Variants in OSBPL3 observed in about 807,000 individuals in gnomAD.
OSBPL3 encodes the protein oxysterol binding protein like 3.
Under a neutral mutation model 120.1 loss-of-function variants are expected in OSBPL3, and 65 were observed. The ratio of observed to expected loss-of-function variants is 0.54; its 90% CI spans 0.44 to 0.67. The LOEUF (loss-of-function observed/expected upper bound fraction) is 0.67. Among genes scored for constraint, OSBPL3 ranks in the 30% least tolerant of loss-of-function variants. The pLI, the probability that OSBPL3 is intolerant of heterozygous loss-of-function variation, is 0.00. For synonymous variants in OSBPL3, 416 were observed against 402.6 expected (o/e 1.03, Z -0.40); for missense variants, 1,004 against 1,082.1 (o/e 0.93, Z 1.01).
At position 24,933,510 on chromosome 7, in the gene OSBPL3, C is replaced by T. The variant is rs936521246; in HGVS notation, c.-149-40889G>A. 6.6e-6 allele frequency among the ~76,000 whole-genome samples: 1 copy of T among 152,082 alleles called. No individual in the cohort carries two copies. Among genetic ancestry groups the T allele is most frequent in the Non-Finnish European group, 1.5e-5 (1 of 68,022 alleles). On this transcript the variant is annotated intron_variant, in intron 1 of 22. Coordinates refer to ENST00000313367, the MANE Select transcript of OSBPL3 (RefSeq NM_015550.4). The surrounding 1 kb of genome is among the most constrained non-coding windows in gnomAD (Gnocchi z 5.1). ...AAAATCCAGAAAAACATCGAGAAAACTTTATTAACAGTCTCAAGCTAGTCT... is the reference window on the plus strand; with the variant it reads ...AAAATCCAGAAAAACATCGAGAAAATTTTATTAACAGTCTCAAGCTAGTCT...
rs1449100477 is a variant in OSBPL3, at chr7:24,806,989, C to T, written c.2318-87G>A. The T allele has an allele frequency of 1.6e-6, 2 of 1,244,002 alleles. No individual in the cohort carries two copies. The highest frequency in any genetic ancestry group is 2.2e-6 in the Non-Finnish European group (2 of 902,874). 77.1% of individuals were successfully genotyped at this position (1,244,002 alleles called of 1,614,324 possible). ...CTTCACCTTTTTCGTCTCAGCCTAG[C>T]TACAATTTTTCTCTCTCAGCTCCCT... On this transcript the variant is annotated intron_variant, in intron 20 of 22. Coordinates refer to ENST00000313367, the MANE Select transcript of OSBPL3 (RefSeq NM_015550.4). This position sits in a 1 kb window ranked among gnomAD's most constrained non-coding sequence, Gnocchi z 5.2.
chr7:24,971,297 G>A lies in OSBPL3; in HGVS notation c.-150+8589C>T, dbSNP rs183446161. Among the ~76,000 whole-genome samples, 1,170 of 152,362 alleles carry A rather than the reference G, an allele frequency of 7.7e-3. 23 individuals carry two copies. Among genetic ancestry groups the A allele is most frequent in the African/African-American group, 0.026 (1,095 of 41,586 alleles). On this transcript the variant is annotated intron_variant, in intron 1 of 22. Coordinates refer to ENST00000313367, the MANE Select transcript of OSBPL3 (RefSeq NM_015550.4). ...CGCCCTCTCTAAGCCTGGATAACCA[G>A]GGTTCTTTGGGTGGAAGCAACAGAA...
At position 24,842,295 on chromosome 7, in the gene OSBPL3, C is replaced by T; in HGVS notation, c.1385G>A (p.Ser462Asn). 1.2e-6 allele frequency: 2 copies of T among 1,613,406 alleles called. No homozygotes were observed. The highest frequency in any genetic ancestry group is 2.2e-5 in the South Asian group (2 of 90,916). The change falls in exon 13 of 23, where the codon AGC becomes AAC. Residue 462 changes from serine (S) to asparagine (N), a missense_variant. Ser to Asn is a conservative substitution (Grantham distance 46). Coordinates refer to ENST00000313367, the MANE Select transcript of OSBPL3 (RefSeq NM_015550.4). ...FDAQEVLLSP[S>N]SSENEISDDD... ...TGCTCAAACCTCGTTTTCTGAAGAG[C>T]TTGGAGATAACAGAACTTCCTGAGC... is the stretch of plus-strand genomic sequence containing the variant.
rs775978875 is a variant in OSBPL3, at chr7:24,979,954, C to A, written c.-218G>T. 1.0e-6 allele frequency: 1 copy of A among 981,370 alleles called. No homozygotes were observed. Among genetic ancestry groups the A allele is most frequent in the Non-Finnish European group, 1.2e-6 (1 of 828,094 alleles). 60.8% of individuals were successfully genotyped at this position (981,370 alleles called of 1,614,324 possible). On this transcript the variant is annotated 5_prime_UTR_variant, in exon 1 of 23. Transcript: ENST00000313367. Reference sequence around the variant, plus strand: ...CGGGCTCCGGGGTTAGCGCACAGAACCGGGAGAAGGCAACCCCGGCTTCTC... The same window carrying A: ...CGGGCTCCGGGGTTAGCGCACAGAAACGGGAGAAGGCAACCCCGGCTTCTC...
chr7:24,937,397 C>T lies in OSBPL3; in HGVS notation c.-150+42489G>A, dbSNP rs534426532. Among the ~76,000 whole-genome samples the T allele has an allele frequency of 1.1e-4, 17 of 152,276 alleles. No homozygotes were observed. The highest frequency in any genetic ancestry group is 3.4e-4 in the African/African-American group (14 of 41,562). On this transcript the variant is annotated intron_variant, in intron 1 of 22. Coordinates refer to ENST00000313367, the MANE Select transcript of OSBPL3 (RefSeq NM_015550.4). The surrounding 1 kb of genome is among the most constrained non-coding windows in gnomAD (Gnocchi z 4.0). ...CAATTGTTTAACTATTATGAATGGG[C>T]TCATTCTGTATATAATCCCCAATTT...
chr7:24,865,262 CA>C, intron 7 of OSBPL3, 79 bp downstream of exon 7: 2 of 1,457,610 alleles, frequency 1.4e-6, no homozygotes, highest in Non-Finnish European at 1.9e-6. Context: ...GGGAAGGACA[CA>C]AATGAATCTG....
chr7:24,829,142 G>T (rs1370591594), intron 16 of OSBPL3, among the ~76,000 whole-genome samples: 1 of 152,170 alleles, frequency 6.6e-6, no homozygotes, highest in Admixed American at 6.5e-5. Flanking sequence ...TGTCCTGATT[G>T]TCTGCTGTAG....
Position 24,946,323 on chromosome 7 carries a change from G to A in OSBPL3, c.-150+33563C>T, listed in dbSNP as rs73691277. Reference sequence around the variant, plus strand: ...CTAGACTACTAAGTTGTCACATAGCGTTATTTTTGCCGTACTTTTATTGGT... The same window carrying A: ...CTAGACTACTAAGTTGTCACATAGCATTATTTTTGCCGTACTTTTATTGGT... On this transcript the variant is annotated intron_variant, in intron 1 of 22. Transcript: ENST00000313367. The surrounding 1 kb of genome is among the most constrained non-coding windows in gnomAD (Gnocchi z 4.3). Among the ~76,000 whole-genome samples the A allele has an allele frequency of 0.025, 3,785 of 152,164 alleles. 146 individuals are homozygous for A. Among genetic ancestry groups the A allele is most frequent in the African/African-American group, 0.086 (3,555 of 41,490 alleles).
chr7:24,904,453 C>T (rs114747915), intron 1 of OSBPL3, among the ~76,000 whole-genome samples: 1,631 of 152,262 alleles, frequency 0.011, 31 homozygotes, highest in African/African-American at 0.038. Context: ...TAAAACAACA[C>T]AGTACAGCAA....
In OSBPL3 at chr7:24,940,294, G is replaced by A. The variant is rs1000166062; in HGVS notation, c.-150+39592C>T. ...TGGTAAACTGAGTACAAAGACAGAA[G>A]AAGTGGACTGTTGTGTTGAAACACA... On this transcript the variant is annotated intron_variant, in intron 1 of 22. Transcript: ENST00000313367. The surrounding 1 kb of genome is among the most constrained non-coding windows in gnomAD (Gnocchi z 4.4). 1.3e-5 allele frequency among the ~76,000 whole-genome samples: 2 copies of A among 152,216 alleles called. No homozygotes were observed. The highest frequency in any genetic ancestry group is 4.8e-5 in the African/African-American group (2 of 41,452).
At chr7:24,811,968 A>G (rs1376122893) in intron 19 of OSBPL3, among the ~76,000 whole-genome samples, 1 of 152,208 alleles carries the variant, frequency 6.6e-6, no homozygotes, top group Non-Finnish European at 1.5e-5. Context: ...TATTTGTGTA[A>G]GATACATTTG....
chr7:24,971,262 A>T (rs764957544), intron 1 of OSBPL3, among the ~76,000 whole-genome samples: 31 of 152,236 alleles, frequency 2.0e-4, no homozygotes, highest in Non-Finnish European at 4.3e-4. Context: ...TGATCATAGG[A>T]AAACTACTTC....
rs1337980567 is a variant in OSBPL3, at chr7:24,940,351, CAGG to C, written c.-150+39532_-150+39534del. ...GAAAGAAATGAATCCTATAGAAGAT[CAGG>C]AGGTGTAGAAATTACTGGTACCAAT... On this transcript the variant is annotated intron_variant, in intron 1 of 22. Coordinates refer to ENST00000313367, the MANE Select transcript of OSBPL3 (RefSeq NM_015550.4). The surrounding 1 kb of genome is among the most constrained non-coding windows in gnomAD (Gnocchi z 4.4). Among the ~76,000 whole-genome samples the C allele has an allele frequency of 1.3e-5, 2 of 152,078 alleles. No individual in the cohort carries two copies. Among genetic ancestry groups the C allele is most frequent in the African/African-American group, 4.8e-5 (2 of 41,394 alleles).
chr7:24,848,021 A>G (rs1285067026), intron 12 of OSBPL3, among the ~76,000 whole-genome samples: 2 of 152,208 alleles, frequency 1.3e-5, no homozygotes, highest in African/African-American at 4.8e-5. Context: ...AGCTTCTGCC[A>G]GACAGAGGGT....
rs1215241483 is a variant in OSBPL3 at position 24,863,448 on chromosome 7, G to C, written c.777+48C>G. ...TTAGTGAAAGGCTGGGAGGAGAAAG[G>C]AAAGCAGAAGAGGGCCAGAATGTCA... On this transcript the variant is annotated intron_variant, in intron 8 of 22. Transcript: ENST00000313367. This position sits in a 1 kb window ranked among gnomAD's most constrained non-coding sequence, Gnocchi z 5.8. 6.0e-6 allele frequency: 9 copies of C among 1,498,946 alleles called. No homozygotes were observed. Among genetic ancestry groups the C allele is most frequent in the Admixed American group, 1.7e-5 (1 of 59,828 alleles). The allele number at this position is 1,498,946 out of a possible 1,614,324, so 92.9% of individuals were successfully genotyped here.
At chr7:24,931,467 A>G (rs1242967127) in intron 1 of OSBPL3, among the ~76,000 whole-genome samples, 1 of 152,178 alleles carries the variant, frequency 6.6e-6, no homozygotes, top group Non-Finnish European at 1.5e-5. Context: ...CAGGAGATGT[A>G]GAAGGCAATG....
intron 1 of OSBPL3, among the ~76,000 whole-genome samples, chr7:24,893,763 G>T (rs560055014): frequency 7.2e-5 from 11 of 151,726 alleles, no homozygotes; most frequent in Admixed American, 2.6e-4. Context: ...GGGACGGGGG[G>T]GTGGAGGCTG....
intron 1 of OSBPL3, among the ~76,000 whole-genome samples, chr7:24,963,083 C>T (rs2128520123): frequency 6.6e-6 from 1 of 152,294 alleles, no homozygotes; most frequent in East Asian, 1.9e-4. Flanking sequence ...AAATAAGCTT[C>T]TTGGCATAAC....
chr7:24,810,219 A>ATGATAACAC (rs2128115481), intron 19 of OSBPL3: 1 of 322,648 alleles, frequency 3.1e-6, no homozygotes, highest in South Asian at 4.3e-5. Flanking sequence ...ATACTTACTT[A>ATGATAACAC]TGATAACACT....
Sources: allele counts gnomAD v4.1 joint callset (sites outside exome capture counted in the v4.1 genomes callset), GRCh38; gene constraint gnomAD v4.1.1; non-coding constraint Gnocchi (gnomAD v3.1); transcripts MANE v1.5; gene names NCBI Gene and HGNC (gene_info 2026-07-23, HGNC 2026-07-21).